Variants in WDR3 observed in about 807,000 individuals in gnomAD.
WDR3 encodes WD repeat-containing protein 3.
WDR3 carries 81 observed loss-of-function variants against 123.7 expected under a neutral mutation model. The ratio of observed to expected loss-of-function variants is 0.65; its 90% CI spans 0.55 to 0.79. WDR3 has a LOEUF of 0.79. WDR3 is among the 30% of genes least tolerant of loss of function. The pLI is 0.00. For missense variants in WDR3, 1,027 were observed against 1,123.2 expected (o/e 0.91, Z 1.22); for synonymous variants, 390 against 388.8 (o/e 1.00, Z -0.04).
At chr1:117,943,135 T>C (rs1387759693) in intron 10 of WDR3, among the ~76,000 whole-genome samples, 2 of 152,074 alleles carry the variant, frequency 1.3e-5, no homozygotes, top group African/African-American at 4.8e-5. Context: ...GTATTTTTAA[T>C]GGAGATGGTG....
intron 2 of WDR3, 155 bp downstream of exon 2, chr1:117,933,645 C>T: frequency 1.1e-6 from 1 of 911,904 alleles, no homozygotes; most frequent in Admixed American, 2.1e-5. Flanking sequence ...GCTAGCCAAG[C>T]ATCAAGTTCC....
chr1:117,935,120 A>G (rs1041604766), intron 3 of WDR3, among the ~76,000 whole-genome samples: 5 of 152,222 alleles, frequency 3.3e-5, no homozygotes, highest in Non-Finnish European at 7.4e-5. Flanking sequence ...TAAAAATACC[A>G]TGAAACTTTA....
chr1:117,939,365 C>T, intron 5 of WDR3, 112 bp from the exon 6 acceptor site: 1 of 1,108,512 alleles, frequency 9.0e-7, no homozygotes, highest in Non-Finnish European at 1.3e-6. Flanking sequence ...CTTTTCTTTG[C>T]CTTTAAATTG....
rs558383603 is a variant in WDR3 at position 117,963,895 on chromosome 1, A to G, written c.*4448A>G. 6.2e-7 allele frequency: 1 copy of G among 1,613,960 alleles called. No homozygotes were observed. The highest frequency in any genetic ancestry group is 1.3e-5 in the African/African-American group (1 of 75,054). On this transcript the variant is annotated 3_prime_UTR_variant, in exon 27 of 27. Coordinates refer to ENST00000349139, the MANE Select transcript of WDR3 (RefSeq NM_006784.3). ...CCATTGGATTTTCTTTTCCCTGGGG[A>G]AAGTCTTTTGGTCGTTTATCATAAT...
At chr1:117,932,332 T>C (rs1417512338) in intron 1 of WDR3, among the ~76,000 whole-genome samples, 1 of 152,204 alleles carries the variant, frequency 6.6e-6, no homozygotes, top group African/African-American at 2.4e-5. Context: ...CAAAGTGTGG[T>C]CCAAGAACTG....
At chr1:117,934,311 A>G (rs574808368) in intron 2 of WDR3, among the ~76,000 whole-genome samples, 162 bp from the exon 3 acceptor site, 2 of 152,322 alleles carry the variant, frequency 1.3e-5, no homozygotes, top group South Asian at 4.1e-4. Context: ...ACTAATTTCT[A>G]TATTAAAAAA....
rs2101257971 is a variant in WDR3 at position 117,955,503 on chromosome 1, T to G, written c.2453+145T>G. 1.2e-5 allele frequency: 9 copies of G among 742,990 alleles called. No individual in the cohort carries two copies. In the South Asian group the frequency reaches 2.3e-4, roughly 19 times the overall value. 46.0% of individuals were successfully genotyped at this position (742,990 alleles called of 1,614,324 possible). A position where few individuals can be genotyped will look rare whatever the true frequency, so the allele number is the denominator to read the frequency against. The stretch of plus-strand genomic sequence containing the variant: ...CAAAGTTTTGATGGAAAATAATTTA[T>G]AATGTTCTTTTTGAAGTGCTAGAAC... On this transcript the variant is annotated intron_variant, in intron 24 of 26. Transcript: ENST00000349139.
chr1:117,954,993 G>A (rs1557826737), intron 23 of WDR3: 1 of 377,936 alleles, frequency 2.6e-6, no homozygotes, highest in Non-Finnish European at 4.7e-6. Flanking sequence ...GAGAGGGGAA[G>A]AGTGATGGGA....
At chr1:117,958,758 C>G in intron 25 of WDR3, 152 bp from the exon 26 acceptor site, 2 of 592,536 alleles carry the variant, frequency 3.4e-6, no homozygotes. Flanking sequence ...GAGAAAGAAA[C>G]TTCTTTGGCT....
chr1:117,943,584 C>T lies in WDR3; in HGVS notation c.1286C>T (p.Ala429Val), dbSNP rs1453114922. The T allele has an allele frequency of 2.2e-5, 35 of 1,614,000 alleles. No individual in the cohort carries two copies. The highest frequency in any genetic ancestry group is 3.0e-5 in the Non-Finnish European group (35 of 1,180,034). The change falls in exon 11 of 27, where the codon GCT becomes GTT. Residue 429 changes from alanine (A) to valine (V), a missense_variant. Ala to Val is a moderately conservative substitution (Grantham distance 64, BLOSUM62 0). Coordinates refer to ENST00000349139, the MANE Select transcript of WDR3 (RefSeq NM_006784.3). ...TTGTCATTCAGCTCAGACAATATTG[C>T]TGTTCTTTCAGCTGCAGCTGATTCC... is the stretch of plus-strand genomic sequence containing the variant. ...RTLSFSSDNI[A>V]VLSAAADSIK... is the part of the protein sequence containing the mutation.
chr1:117,932,403 T>G (rs1467685599), intron 1 of WDR3, among the ~76,000 whole-genome samples: 2 of 152,198 alleles, frequency 1.3e-5, no homozygotes, highest in Non-Finnish European at 2.9e-5. Context: ...TACCTCAGAC[T>G]TATGAAATCA....
chr1:117,939,326 A>C (rs1651059003), intron 5 of WDR3, 151 bp from the exon 6 acceptor site: 1 of 687,360 alleles, frequency 1.5e-6, no homozygotes, highest in Non-Finnish European at 2.4e-6. Context: ...GACTTCTCTT[A>C]GTGCATTTTG....
At chr1:117,956,928 C>T (rs1652285771) in intron 24 of WDR3, 140 bp from the exon 25 acceptor site, 1 of 617,322 alleles carries the variant, frequency 1.6e-6, no homozygotes, top group Non-Finnish European at 2.5e-6. Flanking sequence ...ATCTAGCTTA[C>T]AGATGAATAT....
At chr1:117,934,450 G>T (rs757572590) in intron 2 of WDR3, 23 bp from the exon 3 acceptor site, 1 of 1,611,128 alleles carries the variant, frequency 6.2e-7, no homozygotes, top group Non-Finnish European at 8.5e-7. Context: ...CTTCTACATT[G>T]TTTTTAATTT....
At chr1:117,948,380 C>G in intron 12 of WDR3, 25 bp from the exon 13 acceptor site, 1 of 1,599,328 alleles carries the variant, frequency 6.3e-7, no homozygotes, top group African/African-American at 1.3e-5. Context: ...TTCATTGGAG[C>G]TGTGCTCATT....
In WDR3 at chr1:117,960,109, C is replaced by CGTGTGTGTATGTGT. The variant is rs557563970; in HGVS notation, c.*670_*671insATGTGTGTGTGTGT. 1 of 144,406 alleles carries CGTGTGTGTATGTGT rather than the reference C, an allele frequency of 6.9e-6. No homozygotes were observed. Among genetic ancestry groups the CGTGTGTGTATGTGT allele is most frequent in the African/African-American group, 2.6e-5 (1 of 37,902 alleles). 8.9% of individuals were successfully genotyped at this position (144,406 alleles called of 1,614,324 possible). On this transcript the variant is annotated 3_prime_UTR_variant, in exon 27 of 27. Transcript: ENST00000349139. ...TGGGCTTCTGAGGAATTAATACACTCGTGTGTGTGTGTGTGTGTGTGTGTG... is the reference window on the plus strand; with the variant it reads ...TGGGCTTCTGAGGAATTAATACACTCGTGTGTGTATGTGTGTGTGTGTGTGTGTGTGTGTGTGTG...
Position 117,966,471 on chromosome 1 carries a change from C to A in WDR3, c.*7024C>A. ...GTGCTTTCAAAGATGAATGAAGATG[C>A]TCTTTGTCTTAATAAATTTAACTCT... On this transcript the variant is annotated 3_prime_UTR_variant, in exon 27 of 27. Transcript: ENST00000349139. 1.2e-6 allele frequency: 1 copy of A among 850,996 alleles called. No individual in the cohort carries two copies. Among genetic ancestry groups the A allele is most frequent in the Non-Finnish European group, 1.7e-6 (1 of 588,844 alleles). 52.7% of individuals were successfully genotyped at this position (850,996 alleles called of 1,614,324 possible).
At chr1:117,939,650 T>C in intron 6 of WDR3, 78 bp downstream of exon 6, 1 of 1,366,520 alleles carries the variant, frequency 7.3e-7, no homozygotes, top group African/African-American at 1.4e-5. Context: ...GATGTAATTA[T>C]TCAGTACTTC....
rs1029761595 is a variant in WDR3, at chr1:117,953,599, A to T, written c.2268+58A>T. 1.5e-5 allele frequency: 23 copies of T among 1,571,888 alleles called. No individual in the cohort carries two copies. In the Admixed American group the frequency reaches 4.2e-4, roughly 28 times the overall value. ...TTAATAAGATCTCAACTTTTTAGTA[A>T]AAGTTTTATTCTGTATCAACCAGAA... On this transcript the variant is annotated intron_variant, in intron 21 of 26. Coordinates refer to ENST00000349139, the MANE Select transcript of WDR3 (RefSeq NM_006784.3).
Sources: gnomAD v4.1 joint callset for allele counts (sites outside exome capture counted in the v4.1 genomes callset) on GRCh38, gnomAD v4.1.1 for gene constraint, MANE v1.5 for transcripts, NCBI Gene and HGNC (gene_info 2026-07-23, HGNC 2026-07-21) for gene names.